ZFAND6: variants seen among roughly 807,000 people sequenced by gnomAD.
ZFAND6 encodes the protein zinc finger AN1-type containing 6.
A neutral mutation model predicts 24.5 loss-of-function variants in ZFAND6; 12 were observed. The ratio of observed to expected loss-of-function variants is 0.49; its 90% CI spans 0.31 to 0.79. The LOEUF is 0.79. ZFAND6 is among the 30% of genes least tolerant of loss of function. ZFAND6 has a pLI of 0.04. For missense variants in ZFAND6, 207 were observed against 245.9 expected (o/e 0.84, Z 1.06); for synonymous variants, 92 against 81.5 (o/e 1.13, Z -0.69).
At chr15:80,109,731 T>C (rs1020912842) in intron 2 of ZFAND6, among the ~76,000 whole-genome samples, 4 of 152,214 alleles carry the variant, frequency 2.6e-5, no homozygotes, top group African/African-American at 9.6e-5. Flanking sequence ...ATAGGATCAC[T>C]GGCTGCTGTG....
chr15:80,071,070 C>CAT (rs1202386409), intron 1 of ZFAND6, among the ~76,000 whole-genome samples: 1 of 152,148 alleles, frequency 6.6e-6, no homozygotes, highest in African/African-American at 2.4e-5. Context: ...ACTTAAAGGG[C>CAT]ATAATAGATT....
chr15:80,096,044 C>G (rs993497034), intron 1 of ZFAND6, among the ~76,000 whole-genome samples: 1 of 152,116 alleles, frequency 6.6e-6, no homozygotes, highest in Non-Finnish European at 1.5e-5. Context: ...TCAAGAGCAC[C>G]AGGTTTTGGA....
At chr15:80,086,082 A>G (rs1344705990) in intron 1 of ZFAND6, among the ~76,000 whole-genome samples, 1 of 152,214 alleles carries the variant, frequency 6.6e-6, no homozygotes, top group Non-Finnish European at 1.5e-5. Context: ...CTTGTTGCCC[A>G]GGCTGGAGTG....
chr15:80,089,848 A>G (rs2038243930), intron 1 of ZFAND6, among the ~76,000 whole-genome samples: 1 of 152,046 alleles, frequency 6.6e-6, no homozygotes, highest in South Asian at 2.1e-4. Flanking sequence ...CCACCCTTCT[A>G]GGTATTTATA....
In ZFAND6 at chr15:80,107,561, A is replaced by G. The variant is rs114758365; in HGVS notation, c.-18+8983A>G. Among the ~76,000 whole-genome samples, 1,388 of 152,234 alleles carry G rather than the reference A, an allele frequency of 9.1e-3. 25 individuals carry two copies. Among genetic ancestry groups the G allele is most frequent in the African/African-American group, 0.032 (1,318 of 41,546 alleles). Reference sequence around the variant, plus strand: ...AAATAGGGGCTGGGCGCAGTGTTTCATGCCTGTAATCCCAGCTCTTTGGGA... The same window carrying G: ...AAATAGGGGCTGGGCGCAGTGTTTCGTGCCTGTAATCCCAGCTCTTTGGGA... On this transcript the variant is annotated intron_variant, in intron 2 of 6. Transcript: ENST00000261749.
At chr15:80,118,935 TTACCA>T (rs1388031825) in intron 2 of ZFAND6, among the ~76,000 whole-genome samples, 3 of 152,218 alleles carry the variant, frequency 2.0e-5, no homozygotes, top group Admixed American at 1.3e-4. Context: ...TCTTGGGTGT[TTACCA>T]GTTCAAGGAA....
intron 1 of ZFAND6, among the ~76,000 whole-genome samples, chr15:80,073,797 T>A (rs1348371367): frequency 6.6e-6 from 1 of 151,936 alleles, no homozygotes; most frequent in Non-Finnish European, 1.5e-5. Context: ...TTGTTTTCAT[T>A]TCAGTAACTA....
At chr15:80,132,743 G>A (rs775608820) in intron 6 of ZFAND6, among the ~76,000 whole-genome samples, 6 of 152,066 alleles carry the variant, frequency 3.9e-5, no homozygotes, top group South Asian at 2.1e-4. Flanking sequence ...CATAAGACTC[G>A]TATAAAGTGA....
intron 6 of ZFAND6, among the ~76,000 whole-genome samples, chr15:80,134,162 G>T (rs1255144457): frequency 6.6e-6 from 1 of 151,990 alleles, no homozygotes; most frequent in East Asian, 1.9e-4. Flanking sequence ...TAATTTCTTT[G>T]TATCTTTAGT....
chr15:80,123,908 A>T (rs1350029406), intron 5 of ZFAND6, among the ~76,000 whole-genome samples: 1 of 152,220 alleles, frequency 6.6e-6, no homozygotes, highest in Non-Finnish European at 1.5e-5. Context: ...ACAAATTTAA[A>T]TAAGCTAGGT....
At chr15:80,097,673 A>C (rs9744611) in intron 1 of ZFAND6, among the ~76,000 whole-genome samples, 7,235 of 150,556 alleles carry the variant, frequency 0.048, 454 homozygotes, top group East Asian at 0.24. Flanking sequence ...TAAATAAATA[A>C]ATACATACAT....
intron 2 of ZFAND6, chr15:80,112,800 C>T (rs112953545): frequency 5.3e-4 from 242 of 456,038 alleles, no homozygotes; most frequent in African/African-American, 3.1e-3. Context: ...GCTCAGAACT[C>T]GGAATTACTG....
intron 1 of ZFAND6, among the ~76,000 whole-genome samples, chr15:80,094,405 A>T (rs1450595830): frequency 6.6e-6 from 1 of 152,182 alleles, no homozygotes; most frequent in Non-Finnish European, 1.5e-5. Context: ...CACACTGCTT[A>T]TGAGAACCTA....
At chr15:80,126,680 A>G (rs567873977) in intron 5 of ZFAND6, among the ~76,000 whole-genome samples, 8 of 152,372 alleles carry the variant, frequency 5.3e-5, no homozygotes, top group Admixed American at 2.0e-4. Flanking sequence ...TAAGAGAACT[A>G]TAAAACTCTT....
chr15:80,137,358 T>C, intron 6 of ZFAND6, 122 bp from the exon 7 acceptor site: 1 of 1,094,212 alleles, frequency 9.1e-7, no homozygotes, highest in Admixed American at 3.6e-5. Flanking sequence ...AGACAGTGTA[T>C]TTAGAATGAT....
At chr15:80,072,654 T>A (rs1291526996) in intron 1 of ZFAND6, 2 of 152,038 alleles carry the variant, frequency 1.3e-5, no homozygotes, top group Non-Finnish European at 2.9e-5. Flanking sequence ...GTTGGTAGGA[T>A]TTTTGTTCTA....
intron 1 of ZFAND6, among the ~76,000 whole-genome samples, chr15:80,069,860 GC>G (rs1428781568): frequency 6.6e-6 from 1 of 152,064 alleles, no homozygotes; most frequent in Non-Finnish European, 1.5e-5. Flanking sequence ...ACCTGCCTCT[GC>G]CTCCGAAAGT....
At chr15:80,097,712 G>A (rs543004581) in intron 1 of ZFAND6, among the ~76,000 whole-genome samples, 1 of 152,288 alleles carries the variant, frequency 6.6e-6, no homozygotes, top group South Asian at 2.1e-4. Context: ...CTGTCATTAT[G>A]ACTGCCTATG....
chr15:80,077,240 A>G (rs886426971), intron 1 of ZFAND6, among the ~76,000 whole-genome samples: 4 of 152,254 alleles, frequency 2.6e-5, no homozygotes, highest in African/African-American at 9.6e-5. Context: ...AACAAAAGTC[A>G]AATAACTTAC....
Sources: allele counts gnomAD v4.1 joint callset (sites outside exome capture counted in the v4.1 genomes callset), GRCh38; gene constraint gnomAD v4.1.1; transcripts MANE v1.5; gene names NCBI Gene and HGNC (gene_info 2026-07-23, HGNC 2026-07-21).